Variants in DISP1 observed in about 807,000 individuals in gnomAD.
DISP1 encodes protein dispatched homolog 1.
Under a neutral mutation model 37.3 loss-of-function variants are expected in DISP1, and 30 were observed. The observed-to-expected ratio is 0.80, with a 90% CI of 0.60 to 1.09. DISP1 has a LOEUF of 1.09. Ranked by LOEUF, DISP1 falls within the 50% of genes least tolerant of loss-of-function variation. The pLI is 0.00. For missense variants in DISP1, 1,598 were observed against 1,879.5 expected (o/e 0.85, Z 2.77); for synonymous variants, 634 against 690.2 (o/e 0.92, Z 1.28).
chr1:222,991,471 C>G (rs748614567), intron 5 of DISP1, 49 bp from the exon 6 acceptor site: 3 of 1,611,550 alleles, frequency 1.9e-6, no homozygotes, highest in South Asian at 2.2e-5. Flanking sequence ...TGTAACTGTA[C>G]TTAGCCTGAA....
chr1:222,967,721 GA>G (rs1676607749), intron 3 of DISP1, among the ~76,000 whole-genome samples: 1 of 152,146 alleles, frequency 6.6e-6, no homozygotes, highest in Non-Finnish European at 1.5e-5. Context: ...ACTTGGCATT[GA>G]ATGTGAGTTT....
intron 1 of DISP1, among the ~76,000 whole-genome samples, chr1:222,851,941 T>G (rs1456202270): frequency 1.3e-5 from 2 of 152,124 alleles, no homozygotes; most frequent in African/African-American, 4.8e-5. Flanking sequence ...TCCCAGTACT[T>G]TGGGAGGCTG....
intron 3 of DISP1, among the ~76,000 whole-genome samples, chr1:222,943,916 G>C (rs1674569083): frequency 6.6e-6 from 1 of 152,080 alleles, no homozygotes; most frequent in Non-Finnish European, 1.5e-5. Context: ...TATAATCCCA[G>C]CTACTCAGGA....
At chr1:222,854,352 C>T (rs1191566289) in intron 1 of DISP1, among the ~76,000 whole-genome samples, 1 of 152,098 alleles carries the variant, frequency 6.6e-6, no homozygotes, top group Non-Finnish European at 1.5e-5. Context: ...GAAGGCATCT[C>T]TTCAAAGGGT....
intron 8 of DISP1, among the ~76,000 whole-genome samples, chr1:222,999,501 T>C (rs956829822): frequency 6.6e-6 from 1 of 152,178 alleles, no homozygotes; most frequent in African/African-American, 2.4e-5. Context: ...AGTGCCATTG[T>C]CACATCATAC....
intron 1 of DISP1, among the ~76,000 whole-genome samples, chr1:222,862,076 C>A (rs181148586): frequency 2.0e-5 from 3 of 152,298 alleles, no homozygotes; most frequent in African/African-American, 7.2e-5. Flanking sequence ...AATCTGTGTT[C>A]TGCTTATCAC....
In DISP1 at chr1:223,004,820, T is replaced by A; in HGVS notation, c.3423T>A (p.Gly1141=). Residue 1141 remains glycine, a synonymous_variant, in exon 9 of 9, where the codon GGT becomes GGA. Transcript: ENST00000675850. The surrounding 1 kb of genome is among the most constrained non-coding windows in gnomAD (Gnocchi z 4.9). ...GCCTTGGACCACAGGGTACCTGTGG[T>A]CAGATTCCTTTACCTAAAAAACTAC... is the stretch of plus-strand genomic sequence containing the variant. ...CRCLGPQGTC[G]QIPLPKKLQC... The A allele has an allele frequency of 6.2e-7, 1 of 1,611,360 alleles. No homozygotes were observed. The highest frequency in any genetic ancestry group is 1.1e-5 in the South Asian group (1 of 91,088).
chr1:222,836,210 T>C (rs1666991742), intron 1 of DISP1, among the ~76,000 whole-genome samples: 2 of 152,300 alleles, frequency 1.3e-5, no homozygotes, highest in South Asian at 4.1e-4. Context: ...TGTTTGTAAG[T>C]AAGCGTGCTA....
At position 222,881,319 on chromosome 1, in the gene DISP1, C is replaced by T. The variant is rs142753845; in HGVS notation, c.-158-47111C>T. Among the ~76,000 whole-genome samples, 637 of 152,290 alleles carry T rather than the reference C, an allele frequency of 4.2e-3. 13 individuals are homozygous for T. The highest frequency in any genetic ancestry group is 0.018 in the Admixed American group (275 of 15,290). Reference sequence around the variant, plus strand: ...CAAGCGATTCTTCTGCCTCAGCCTCCTGAATAACTGGGATTACAGGCATGC... The same window carrying T: ...CAAGCGATTCTTCTGCCTCAGCCTCTTGAATAACTGGGATTACAGGCATGC... On this transcript the variant is annotated intron_variant, in intron 1 of 8. Transcript: ENST00000675850.
chr1:222,834,084 A>G (rs1198116734), intron 1 of DISP1, among the ~76,000 whole-genome samples: 5 of 152,200 alleles, frequency 3.3e-5, no homozygotes, highest in Non-Finnish European at 7.3e-5. Context: ...AAGCTCTGAG[A>G]GTACAGACTT....
intron 1 of DISP1, among the ~76,000 whole-genome samples, chr1:222,838,981 A>G (rs966442828): frequency 6.6e-6 from 1 of 152,208 alleles, no homozygotes; most frequent in Non-Finnish European, 1.5e-5. Context: ...TTGTTCCTCA[A>G]ACATTTAGCT....
intron 1 of DISP1, among the ~76,000 whole-genome samples, chr1:222,874,570 A>G (rs1242253822): frequency 6.6e-6 from 1 of 151,998 alleles, no homozygotes; most frequent in East Asian, 1.9e-4. Context: ...AGGCTTGTGC[A>G]TTCGTCATGT....
At position 223,004,954 on chromosome 1, in the gene DISP1, A is replaced by C; in HGVS notation, c.3557A>C (p.Glu1186Ala). The C allele has an allele frequency of 6.2e-7, 1 of 1,613,720 alleles. No homozygotes were observed. Among genetic ancestry groups the C allele is most frequent in the Non-Finnish European group, 8.5e-7 (1 of 1,180,022 alleles). The stretch of plus-strand genomic sequence containing the variant: ...TTAGATCCCAGGGGCCCAAAATCTG[A>C]ACTGGAGCATGAGTTTTATGAATTA... ...YHLDPRGPKS[E>A]LEHEFYELEP... The change falls in exon 9 of 9, where the codon GAA (glutamate) becomes GCA (alanine). Residue 1186 changes from glutamate (E) to alanine (A), a missense_variant. Physicochemically the swap from Glu to Ala is moderately radical, Grantham distance 107 (BLOSUM62 -1). Transcript: ENST00000675850. This position sits in a 1 kb window ranked among gnomAD's most constrained non-coding sequence, Gnocchi z 4.9.
At chr1:222,972,175 AC>A (rs965383623) in intron 3 of DISP1, among the ~76,000 whole-genome samples, 188 of 152,184 alleles carry the variant, frequency 1.2e-3, no homozygotes, top group African/African-American at 4.5e-3. Context: ...GGATATATAA[AC>A]TTCGGTTTAT....
At chr1:222,904,145 G>A (rs1232634737) in intron 1 of DISP1, among the ~76,000 whole-genome samples, 1 of 152,168 alleles carries the variant, frequency 6.6e-6, no homozygotes. Flanking sequence ...ATATTCTCAT[G>A]TCCATTATGT....
At position 222,908,156 on chromosome 1, in the gene DISP1, T is replaced by C. The variant is rs145935759; in HGVS notation, c.-158-20274T>C. Among the ~76,000 whole-genome samples the C allele has an allele frequency of 5.4e-4, 82 of 152,256 alleles. No individual in the cohort carries two copies. The East Asian group carries it at 0.012, about 23-fold the overall frequency. On this transcript the variant is annotated intron_variant, in intron 1 of 8. Coordinates refer to ENST00000675850, the MANE Select transcript of DISP1 (RefSeq NM_001377229.1). ...TGGAAAGTACAATGTCAATTTATTA[T>C]GTATAGTAGGTAAAAAACTGGCTCA...
chr1:222,832,787 T>C (rs1212019519), intron 1 of DISP1, among the ~76,000 whole-genome samples: 1 of 152,066 alleles, frequency 6.6e-6, no homozygotes, highest in Non-Finnish European at 1.5e-5. Flanking sequence ...TCCCAGCTAC[T>C]TGGGAGGCTG....
intron 3 of DISP1, among the ~76,000 whole-genome samples, chr1:222,961,133 C>G (rs1375815335): frequency 1.3e-5 from 2 of 152,182 alleles, no homozygotes; most frequent in East Asian, 3.8e-4. Context: ...CCAGCATCAT[C>G]CTGATACCAA....
At chr1:222,928,354 A>G (rs1282486133) in intron 1 of DISP1, 76 bp from the exon 2 acceptor site, 1 of 152,180 alleles carries the variant, frequency 6.6e-6, no homozygotes, top group Non-Finnish European at 1.5e-5. Context: ...CTCCTGTCCT[A>G]TTGGAGAGCA....
Sources: gnomAD v4.1 joint callset for allele counts (sites outside exome capture counted in the v4.1 genomes callset) on GRCh38, gnomAD v4.1.1 for gene constraint, Gnocchi (gnomAD v3.1) non-coding constraint, MANE v1.5 for transcripts, NCBI Gene and HGNC (gene_info 2026-07-23, HGNC 2026-07-21) for gene names.